PUM1: variants seen among roughly 807,000 people sequenced by gnomAD.
PUM1 encodes pumilio RNA binding family member 1.
In PUM1, 13 loss-of-function variants were observed where a neutral mutation model predicts 131.8. The observed-to-expected ratio is 0.10, with a 90% CI of 0.06 to 0.16. PUM1 has a LOEUF of 0.16. Ranked by LOEUF, PUM1 falls within the 10% of genes least tolerant of loss-of-function variation. The pLI is 1.00. For missense variants in PUM1, 961 were observed against 1,512.4 expected (o/e 0.64, Z 6.05); for synonymous variants, 509 against 556.5 (o/e 0.91, Z 1.20).
At chr1:31,009,782 A>AAAAAAAAAAAAAAAAAAAACAAAAAC (rs375044466) in intron 3 of PUM1, among the ~76,000 whole-genome samples, 39 of 125,344 alleles carry the variant, frequency 3.1e-4, no homozygotes, top group South Asian at 5.2e-4. Context: ...AAAAAAAAAA[A>AAAAAAAAAAAAAAAAAAAACAAAAAC]AAAAACAAAA....
intron 2 of PUM1, among the ~76,000 whole-genome samples, chr1:31,033,987 G>A (rs186597346): frequency 7.9e-5 from 12 of 152,248 alleles, no homozygotes; most frequent in Non-Finnish European, 1.5e-4. Context: ...ATTCTGAATT[G>A]TAAGAAGTTA....
intron 7 of PUM1, among the ~76,000 whole-genome samples, chr1:30,983,496 GA>G (rs1288419021): frequency 1.3e-5 from 2 of 151,978 alleles, no homozygotes; most frequent in African/African-American, 4.8e-5. Flanking sequence ...TGGAACTGGG[GA>G]AAAAAAGACA....
Position 31,007,063 on chromosome 1 carries a change from A to G in PUM1, c.472T>C (p.Ser158Pro), listed in dbSNP as rs1318451478. The change falls in exon 4 of 22, where the codon TCC (serine) becomes CCC (proline). Residue 158 changes from serine to proline, a missense_variant. Transcript: ENST00000426105. ...PGKKFWETDE[S>P]SKDGPKGIFL... is the part of the protein sequence containing the mutation. ...ATTCCTTTTGGTCCATCTTTGCTGG[A>G]TTCATCTGTTTCCCAAAACTTTTTA... 3.7e-6 allele frequency: 6 copies of G among 1,614,094 alleles called. No individual in the cohort carries two copies. Among genetic ancestry groups the G allele is most frequent in the Non-Finnish European group, 5.1e-6 (6 of 1,179,942 alleles).
intron 1 of PUM1, among the ~76,000 whole-genome samples, chr1:31,062,495 C>A (rs1267511493): frequency 1.3e-5 from 2 of 151,948 alleles, no homozygotes; most frequent in African/African-American, 4.8e-5. Flanking sequence ...TGGCACGCAC[C>A]TGTAGTCCCA....
In PUM1 at chr1:31,043,691, T is replaced by TG. The variant is rs151305615; in HGVS notation, c.364-14828dup. Among the ~76,000 whole-genome samples, 1,278 of 152,318 alleles carry TG rather than the reference T, an allele frequency of 8.4e-3. 7 individuals are homozygous for TG. The highest frequency in any genetic ancestry group is 0.031 in the Middle Eastern group (9 of 294). ...GTTTACGGAGCTCACTGAAAACACC[T>TG]GTTCTCTACAGTTTAAGCACTCCTC... On this transcript the variant is annotated intron_variant, in intron 2 of 21. Transcript: ENST00000426105.
At chr1:31,024,193 T>G (rs1207115243) in intron 3 of PUM1, among the ~76,000 whole-genome samples, 1 of 152,194 alleles carries the variant, frequency 6.6e-6, no homozygotes, top group Non-Finnish European at 1.5e-5. Flanking sequence ...TGTTTGAACC[T>G]AGGCTCTAAG....
chr1:31,064,180 T>C (rs1222649012), intron 1 of PUM1, among the ~76,000 whole-genome samples: 1 of 152,178 alleles, frequency 6.6e-6, no homozygotes, highest in Non-Finnish European at 1.5e-5. Context: ...TGCTTAGTGG[T>C]TTAAAAGGTG....
intron 3 of PUM1, among the ~76,000 whole-genome samples, chr1:31,022,294 T>C (rs1213046366): frequency 6.6e-6 from 1 of 152,204 alleles, no homozygotes. Context: ...CAATAAAGCA[T>C]GCTAGTATGG....
At chr1:30,968,202 C>A in intron 11 of PUM1, 152 bp downstream of exon 11, 1 of 1,023,666 alleles carries the variant, frequency 9.8e-7, no homozygotes, top group African/African-American at 1.6e-5. Flanking sequence ...GAACTATAGT[C>A]TAAGTGAGGG....
chr1:31,029,179 C>T (rs1643326488), intron 2 of PUM1, among the ~76,000 whole-genome samples: 1 of 152,152 alleles, frequency 6.6e-6, no homozygotes. Context: ...TTTAATAAGA[C>T]CAACATTCTG....
At chr1:31,011,274 G>T (rs201369272) in intron 3 of PUM1, among the ~76,000 whole-genome samples, 1 of 151,630 alleles carries the variant, frequency 6.6e-6, no homozygotes, top group East Asian at 1.9e-4. Flanking sequence ...TGAATATGTG[G>T]AAGTATTTTT....
rs1295429499 is a variant in PUM1, at chr1:30,967,183, G to A, written c.1773C>T (p.Ser591=). 1 of 1,614,142 alleles carries A rather than the reference G, an allele frequency of 6.2e-7. No homozygotes were observed. The highest frequency in any genetic ancestry group is 1.1e-5 in the South Asian group (1 of 91,088). The part of the protein sequence containing the change: ...LVAPAPVIIS[S]SAAQAAVAAA... ...TGCGCTCACCTGCTTGTGCAGCTGA[G>A]GAACTAATGATGACTGGGGCAGGAG... The change falls in exon 12 of 22, where the codon TCC becomes TCT. Residue 591 remains serine (S), a synonymous_variant. Coordinates refer to ENST00000426105, the MANE Select transcript of PUM1 (RefSeq NM_001020658.2).
At chr1:30,997,620 C>CT (rs375768397) in intron 5 of PUM1, among the ~76,000 whole-genome samples, 32 of 150,784 alleles carry the variant, frequency 2.1e-4, no homozygotes, top group Middle Eastern at 3.5e-3. Context: ...TCTGCATTAT[C>CT]TTTCCTCAGG....
chr1:31,058,554 C>T (rs1031348893), intron 2 of PUM1, among the ~76,000 whole-genome samples: 12 of 151,438 alleles, frequency 7.9e-5, no homozygotes, highest in East Asian at 1.9e-4. Context: ...CCCAGCTACT[C>T]GGGAGGCTGA....
rs1472297159 is a variant in PUM1 at position 30,968,455 on chromosome 1, G to A, written c.1544C>T (p.Pro515Leu). The A allele has an allele frequency of 6.3e-7, 1 of 1,593,476 alleles. No homozygotes were observed. Among genetic ancestry groups the A allele is most frequent in the Non-Finnish European group, 8.5e-7 (1 of 1,174,522 alleles). Reference protein sequence around the residue: ...RGGASQRPLTPNQNQQGQQTD... With the variant: ...RGGASQRPLTLNQNQQGQQTD... ...TTGCTGTCCCTGCTGGTTCTGGTTT[G>A]GGGTCAAAGGACGTTGGCTGGCTCC... The change falls in exon 11 of 22, where the codon CCA becomes CTA. Residue 515 changes from proline to leucine, a missense_variant. Transcript: ENST00000426105.
intron 14 of PUM1, among the ~76,000 whole-genome samples, chr1:30,957,273 T>C (rs1373397428): frequency 6.6e-6 from 1 of 152,228 alleles, no homozygotes; most frequent in East Asian, 1.9e-4. Flanking sequence ...AGCTTAAATT[T>C]TTGCTCTAAA....
chr1:31,014,301 CAAAAAAAA>C (rs745510280), intron 3 of PUM1, among the ~76,000 whole-genome samples: 1 of 76,088 alleles, frequency 1.3e-5, no homozygotes, highest in Non-Finnish European at 2.4e-5. Flanking sequence ...ATCCAGTCTC[CAAAAAAAA>C]AAAAAAAAAA....
rs187526940 is a variant in PUM1 at position 31,062,592 on chromosome 1, C to T, written c.-11-3015G>A. Among the ~76,000 whole-genome samples the T allele has an allele frequency of 6.1e-5, 9 of 148,176 alleles. No homozygotes were observed. The East Asian group carries it at 1.8e-3, about 29-fold the overall frequency. ...CCGAGATCAAGGCACTGCACTCCAGCCTGGACGACAGAGTGAGACTCCATC... is the reference window on the plus strand; with the variant it reads ...CCGAGATCAAGGCACTGCACTCCAGTCTGGACGACAGAGTGAGACTCCATC... On this transcript the variant is annotated intron_variant, in intron 1 of 21. Transcript: ENST00000426105.
intron 4 of PUM1, 129 bp from the exon 5 acceptor site, chr1:31,006,160 T>C (rs1016147428): frequency 4.9e-6 from 3 of 615,896 alleles, no homozygotes; most frequent in East Asian, 2.9e-5. Flanking sequence ...CCTCCTATCA[T>C]GTCCCTCACT....
Sources: allele counts gnomAD v4.1 joint callset (sites outside exome capture counted in the v4.1 genomes callset), GRCh38; gene constraint gnomAD v4.1.1; transcripts MANE v1.5; gene names NCBI Gene and HGNC (gene_info 2026-07-23, HGNC 2026-07-21).